The following TMEM131 variants were observed in gnomAD, a reference collection of about 807,000 sequenced individuals.
The protein encoded by TMEM131 is transmembrane protein 131.
A neutral mutation model predicts 211.6 loss-of-function variants in TMEM131; 66 were observed. The ratio of observed to expected loss-of-function variants is 0.31; its 90% CI spans 0.26 to 0.38. TMEM131 has a LOEUF of 0.38. Among genes scored for constraint, TMEM131 ranks in the 10% least tolerant of loss-of-function variants. The probability of loss-of-function intolerance (pLI) is 1.00; values close to 1 mark genes in which losing one functional copy is unlikely to be tolerated. For synonymous variants in TMEM131, 844 were observed against 841.3 expected, an observed-to-expected ratio of 1.00 and a Z score of -0.06; for missense variants, 2,036 against 2,299.3, an observed-to-expected ratio of 0.89 and a Z score of 2.34.
Position 97,796,354 on chromosome 2 carries a change from C to T in TMEM131, c.3064G>A (p.Glu1022Lys). Residue 1022 changes from glutamate (E) to lysine (K), a missense_variant, in exon 28 of 41, where the codon GAG becomes AAG. Transcript: ENST00000186436. ...TGAATTTGAAGTTGTCCTGTATTCT[C>T]TACCTTAAATGTTCTTTTCAATGTG... is the stretch of plus-strand genomic sequence containing the variant. ...NFTLKRTFKV[E>K]NTGQLQIHIE... 1 of 1,545,764 alleles carries T rather than the reference C, an allele frequency of 6.5e-7. No individual in the cohort carries two copies. Among genetic ancestry groups the T allele is most frequent in the Non-Finnish European group, 8.7e-7 (1 of 1,146,994 alleles).
intron 1 of TMEM131, among the ~76,000 whole-genome samples, chr2:97,964,776 G>A (rs1678974292): frequency 6.6e-6 from 1 of 152,164 alleles, no homozygotes; most frequent in African/African-American, 2.4e-5. Flanking sequence ...ATCCTGGGAA[G>A]GAAGATACTA....
At chr2:97,871,457 C>G (rs962305385) in intron 4 of TMEM131, among the ~76,000 whole-genome samples, 2 of 152,164 alleles carry the variant, frequency 1.3e-5, no homozygotes, top group Non-Finnish European at 2.9e-5. Flanking sequence ...CTGAGATAAC[C>G]GGACATTGTC....
chr2:97,843,278 G>A (rs77556932), intron 6 of TMEM131, among the ~76,000 whole-genome samples: 2,851 of 152,230 alleles, frequency 0.019, 140 homozygotes, highest in East Asian at 0.17. Context: ...TATAACATAG[G>A]TAGAAGGGCA....
chr2:97,805,511 T>A (rs776444788), intron 20 of TMEM131, 40 bp downstream of exon 20: 1 of 1,611,334 alleles, frequency 6.2e-7, no homozygotes, highest in African/African-American at 1.3e-5. Context: ...TAAAACAAAA[T>A]GTTAACCAAT....
At chr2:97,817,210 C>T (rs1681870029) in intron 12 of TMEM131, among the ~76,000 whole-genome samples, 1 of 144,648 alleles carries the variant, frequency 6.9e-6, no homozygotes, top group South Asian at 2.1e-4. Context: ...AGAAGAGTAG[C>T]TCTTCACCCT....
intron 1 of TMEM131, among the ~76,000 whole-genome samples, chr2:97,960,406 T>C (rs1217835060): frequency 6.6e-6 from 1 of 152,154 alleles, no homozygotes; most frequent in East Asian, 1.9e-4. Flanking sequence ...ATATAACTGA[T>C]TACTTTTTTT....
intron 4 of TMEM131, among the ~76,000 whole-genome samples, chr2:97,885,329 C>A (rs1675105994): frequency 6.6e-6 from 1 of 150,754 alleles, no homozygotes; most frequent in Admixed American, 6.6e-5. Context: ...GTAGCTGGGA[C>A]TACAGGCGCC....
At position 97,772,363 on chromosome 2, in the gene TMEM131, T is replaced by C. The variant is rs765692002; in HGVS notation, c.4382A>G (p.Gln1461Arg). Residue 1461 changes from glutamine to arginine, a missense_variant, in exon 33 of 41, where the codon CAA becomes CGA. By Grantham distance (43) the Gln-to-Arg change is conservative. This residue lies in a region of TMEM131 where 1,623 missense variants were observed against 1,805.9 expected (regional missense o/e 0.90). Coordinates refer to ENST00000186436, the MANE Select transcript of TMEM131 (RefSeq NM_015348.2). ...GAGTTTTTTGCTTTTTTGCTTCACTTGAGACATTTCACTTTCATGTTTTTC... is the reference window on the plus strand; with the variant it reads ...GAGTTTTTTGCTTTTTTGCTTCACTCGAGACATTTCACTTTCATGTTTTTC... ...MPEKHESEMS[Q>R]VKQKSKKLLN... 5.6e-6 allele frequency: 9 copies of C among 1,608,038 alleles called. 1 individual carries two copies. In the South Asian group the frequency reaches 1.0e-4, roughly 18 times the overall value.
intron 4 of TMEM131, among the ~76,000 whole-genome samples, chr2:97,885,908 T>C (rs1255056049): frequency 1.3e-5 from 2 of 152,182 alleles, no homozygotes; most frequent in Non-Finnish European, 2.9e-5. Flanking sequence ...GGAATGACCA[T>C]AATATATTTG....
intron 12 of TMEM131, among the ~76,000 whole-genome samples, chr2:97,816,747 G>A (rs1031678621): frequency 6.6e-6 from 1 of 152,146 alleles, no homozygotes; most frequent in Non-Finnish European, 1.5e-5. Flanking sequence ...TCATGACATT[G>A]TATCATACAT....
In TMEM131 at chr2:97,935,621, G is replaced by C. The variant is rs1226838794; in HGVS notation, c.188-8134C>G. On this transcript the variant is annotated intron_variant, in intron 1 of 40. Transcript: ENST00000186436. Reference sequence around the variant, plus strand: ...CAATCAACTGGTTTTGACAGCAAAAGTTGAGAATAGTTTGAAGAAACAAAA... The same window carrying C: ...CAATCAACTGGTTTTGACAGCAAAACTTGAGAATAGTTTGAAGAAACAAAA... Among the ~76,000 whole-genome samples, 4 of 152,054 alleles carry C rather than the reference G, an allele frequency of 2.6e-5. 1 individual carries two copies. In the East Asian group the frequency reaches 7.7e-4, roughly 29 times the overall value.
chr2:97,950,608 C>G (rs867647086), intron 1 of TMEM131, among the ~76,000 whole-genome samples: 7 of 152,154 alleles, frequency 4.6e-5, no homozygotes, highest in Non-Finnish European at 7.3e-5. Context: ...ACTGGGAGAG[C>G]AGTTAACATC....
At chr2:97,790,077 G>GA (rs1680429452) in intron 31 of TMEM131, among the ~76,000 whole-genome samples, 1 of 151,862 alleles carries the variant, frequency 6.6e-6, no homozygotes, top group African/African-American at 2.4e-5. Context: ...ACCAGGGGGA[G>GA]AAAAAAAAGA....
intron 1 of TMEM131, among the ~76,000 whole-genome samples, chr2:97,944,762 C>T (rs910662507): frequency 3.3e-5 from 5 of 152,052 alleles, no homozygotes; most frequent in Admixed American, 2.0e-4. Flanking sequence ...AGCAAAACAA[C>T]ATACTGCTTC....
Position 97,960,901 on chromosome 2 carries a change from T to C in TMEM131, c.188-33414A>G, listed in dbSNP as rs192648831. Among the ~76,000 whole-genome samples the C allele has an allele frequency of 6.6e-5, 10 of 152,262 alleles. No homozygotes were observed. The East Asian group carries it at 1.9e-3, about 29-fold the overall frequency. ...TTTTAAAAAGTAATGTATTTTACCA[T>C]ATTAACATTCTAAAAAAAGAAAAAC... On this transcript the variant is annotated intron_variant, in intron 1 of 40. Transcript: ENST00000186436.
At position 97,952,815 on chromosome 2, in the gene TMEM131, C is replaced by T. The variant is rs550648869; in HGVS notation, c.188-25328G>A. 2.0e-5 allele frequency among the ~76,000 whole-genome samples: 3 copies of T among 152,134 alleles called. No individual in the cohort carries two copies. The South Asian group carries it at 6.2e-4, about 32-fold the overall frequency. On this transcript the variant is annotated intron_variant, in intron 1 of 40. Transcript: ENST00000186436. ...GATTGCTTGAGCCCAGGAGGTCAAG[C>T]TGCAGTGAGCCATGATTGTGCCACT...
chr2:97,834,947 AT>A (rs1682871819), intron 8 of TMEM131, 22 bp from the exon 9 acceptor site: 1 of 1,612,112 alleles, frequency 6.2e-7, no homozygotes, highest in Non-Finnish European at 8.5e-7. Context: ...ACAGACCATA[AT>A]GTAGCACAGC....
intron 5 of TMEM131, among the ~76,000 whole-genome samples, chr2:97,856,597 C>T (rs140834270): frequency 0.011 from 1,739 of 152,218 alleles, 77 homozygotes; most frequent in Admixed American, 0.086. Flanking sequence ...AGAAATAAGA[C>T]CTGACCAGGA....
chr2:97,920,573 A>G (rs1676698168), intron 2 of TMEM131, among the ~76,000 whole-genome samples: 1 of 152,254 alleles, frequency 6.6e-6, no homozygotes. Context: ...ATTAGAATCA[A>G]TAAGTAATTT....
Sources: gnomAD v4.1 joint callset for allele counts (sites outside exome capture counted in the v4.1 genomes callset) on GRCh38, gnomAD v4.1.1 for gene constraint, gnomAD v4.1.1 regional missense constraint, MANE v1.5 for transcripts, NCBI Gene and HGNC (gene_info 2026-07-23, HGNC 2026-07-21) for gene names.